SIDT1: variants seen among roughly 807,000 people sequenced by gnomAD.
SIDT1 encodes the protein SID1 transmembrane family, member 1.
SIDT1 carries 101 observed loss-of-function variants against 107.5 expected under a neutral mutation model. The ratio of observed to expected loss-of-function variants is 0.94; its 90% CI spans 0.80 to 1.11. The LOEUF is 1.11. Ranked by LOEUF, SIDT1 falls within the 50% of genes least tolerant of loss-of-function variation. SIDT1 has a pLI of 0.00. For missense variants in SIDT1, 1,076 were observed against 1,058.2 expected, an observed-to-expected ratio of 1.02 and a Z score of -0.23; for synonymous variants, 395 against 398.2, an observed-to-expected ratio of 0.99 and a Z score of 0.10.
intron 1 of SIDT1, among the ~76,000 whole-genome samples, chr3:113,561,802 C>A (rs1395493611): frequency 6.6e-6 from 1 of 152,118 alleles, no homozygotes; most frequent in Non-Finnish European, 1.5e-5. Flanking sequence ...ATTTGAAAAT[C>A]TTTGCCTTAG....
intron 3 of SIDT1, 95 bp downstream of exon 3, chr3:113,567,805 A>C: frequency 1.6e-6 from 2 of 1,281,908 alleles, no homozygotes; most frequent in Non-Finnish European, 2.2e-6. Context: ...CTCTGGAAGG[A>C]AATTATCCAC....
intron 14 of SIDT1, among the ~76,000 whole-genome samples, chr3:113,606,073 G>A (rs1315064853): frequency 6.7e-6 from 1 of 149,002 alleles, no homozygotes; most frequent in Non-Finnish European, 1.5e-5. Flanking sequence ...TACAGTAAAA[G>A]GAAAATGTAA....
chr3:113,615,182 G>A (rs1295255441), intron 19 of SIDT1: 49 of 1,239,602 alleles, frequency 4.0e-5, no homozygotes, highest in Admixed American at 1.8e-4. Context: ...CTTTCAGGCC[G>A]GGCAGACTCC....
chr3:113,571,488 A>ACACACACACACACACACG (rs1942448103), intron 3 of SIDT1, among the ~76,000 whole-genome samples: 1 of 147,072 alleles, frequency 6.8e-6, no homozygotes, highest in Non-Finnish European at 1.5e-5. Flanking sequence ...TATCCTCTGC[A>ACACACACACACACACACG]CACACACACA....
intron 17 of SIDT1, among the ~76,000 whole-genome samples, chr3:113,608,984 G>A (rs1399560111): frequency 6.6e-6 from 1 of 151,684 alleles, no homozygotes; most frequent in Non-Finnish European, 1.5e-5. Context: ...TTAAGAGCAA[G>A]GAAGTTGTTT....
At position 113,566,554 on chromosome 3, in the gene SIDT1, T is replaced by A. The variant is rs748118384; in HGVS notation, c.344+13T>A. The stretch of plus-strand genomic sequence containing the variant: ...TCTTCCAAGGACTGTAAGTGGGTTT[T>A]CTTCCAGGCAACTTCACTATGTTTA... On this transcript the variant is annotated intron_variant, in intron 2 of 24. Coordinates refer to ENST00000264852, the MANE Select transcript of SIDT1 (RefSeq NM_017699.3). The A allele has an allele frequency of 6.2e-7, 1 of 1,608,814 alleles. No individual in the cohort carries two copies. Among genetic ancestry groups the A allele is most frequent in the South Asian group, 1.1e-5 (1 of 90,462 alleles).
At chr3:113,625,402 G>A (rs1051428050) in intron 23 of SIDT1, among the ~76,000 whole-genome samples, 3 of 152,084 alleles carry the variant, frequency 2.0e-5, no homozygotes, top group African/African-American at 7.2e-5. Context: ...GCCTCCCATG[G>A]TCCTGGGATT....
chr3:113,616,309 A>T, intron 20 of SIDT1, 133 bp downstream of exon 20: 1 of 680,676 alleles, frequency 1.5e-6, no homozygotes, highest in Admixed American at 2.4e-5. Context: ...CTAAAGGCCC[A>T]TTAGTGGGAG....
chr3:113,620,398 A>C (rs1420027018), intron 21 of SIDT1, among the ~76,000 whole-genome samples: 1 of 152,110 alleles, frequency 6.6e-6, no homozygotes, highest in East Asian at 1.9e-4. Context: ...TATACAGTTG[A>C]ATGAGTAAAA....
intron 3 of SIDT1, among the ~76,000 whole-genome samples, chr3:113,574,494 A>C (rs1054260902): frequency 6.6e-6 from 1 of 152,068 alleles, no homozygotes. Context: ...GGTGCTGTGA[A>C]TCTCACAGTC....
At chr3:113,578,086 A>G (rs1943044713) in intron 4 of SIDT1, among the ~76,000 whole-genome samples, 1 of 152,230 alleles carries the variant, frequency 6.6e-6, no homozygotes, top group African/African-American at 2.4e-5. Flanking sequence ...CCCTTAATAT[A>G]CTGCCCTCAA....
At chr3:113,605,122 C>CCCTTTTT in intron 14 of SIDT1, 146 bp downstream of exon 14, 1 of 306,998 alleles carries the variant, frequency 3.3e-6, no homozygotes, top group Non-Finnish European at 5.4e-6. Context: ...CTATTGCTTC[C>CCCTTTTT]TCTTTTTTTT....
chr3:113,541,372 G>A (rs937223665), intron 1 of SIDT1, among the ~76,000 whole-genome samples: 6 of 152,136 alleles, frequency 3.9e-5, no homozygotes, highest in African/African-American at 1.4e-4. Context: ...GTCTTACCAT[G>A]TTGCCCAGGC....
At chr3:113,633,362 C>T (rs893886826), downstream of SIDT1, among the ~76,000 whole-genome samples, 4 of 152,070 alleles carry the variant, frequency 2.6e-5, no homozygotes, top group Non-Finnish European at 5.9e-5. Flanking sequence ...CTTTCAAAGG[C>T]TAGAACCTTA....
downstream of SIDT1, among the ~76,000 whole-genome samples, chr3:113,630,325 C>T (rs1947080563): frequency 6.6e-6 from 1 of 152,090 alleles, no homozygotes; most frequent in Non-Finnish European, 1.5e-5. Flanking sequence ...GAGAAGCAGC[C>T]CCACCTCTTT....
chr3:113,612,032 A>T (rs1341993351), intron 18 of SIDT1, 54 bp from the exon 19 acceptor site: 3 of 1,292,968 alleles, frequency 2.3e-6, no homozygotes, highest in East Asian at 4.6e-5. Context: ...GATGATTTTG[A>T]TGAGTTTTCT....
chr3:113,628,413 A>G lies in SIDT1; in HGVS notation c.*705A>G, dbSNP rs1326402107. 6.5e-6 allele frequency: 1 copy of G among 152,870 alleles called. No individual in the cohort carries two copies. The highest frequency in any genetic ancestry group is 2.4e-5 in the African/African-American group (1 of 41,526). 9.5% of individuals were successfully genotyped at this position (152,870 alleles called of 1,614,324 possible). ...ACATATTCCTTCGTGTCTTCATCTC[A>G]CTGACCTGTGTGGACCTCATCACTC... On this transcript the variant is annotated 3_prime_UTR_variant, in exon 25 of 25. Transcript: ENST00000264852.
At chr3:113,614,795 T>A (rs540032407) in intron 19 of SIDT1, among the ~76,000 whole-genome samples, 137 of 152,302 alleles carry the variant, frequency 9.0e-4, no homozygotes, top group African/African-American at 3.1e-3. Flanking sequence ...GGCTGGATTA[T>A]AAATTGCAAG....
chr3:113,607,034 T>C lies in SIDT1; in HGVS notation c.1405-7T>C. The C allele has an allele frequency of 1.3e-6, 2 of 1,595,106 alleles. No individual in the cohort carries two copies. The highest frequency in any genetic ancestry group is 1.7e-4 in the Middle Eastern group (1 of 6,004). ...CACATTTCCTCTTCTCACTCTTGAT[T>C]TTACAGGTGGTAAATGTCACTGGCA... On this transcript the variant is annotated splice_polypyrimidine_tract_variant and splice_region_variant and intron_variant, in intron 14 of 24. Transcript: ENST00000264852.
Sources: allele counts gnomAD v4.1 joint callset (sites outside exome capture counted in the v4.1 genomes callset), GRCh38; gene constraint gnomAD v4.1.1; transcripts MANE v1.5; gene names NCBI Gene and HGNC (gene_info 2026-07-23, HGNC 2026-07-21).